The following RORA variants were observed in gnomAD, a reference collection of about 807,000 sequenced individuals.
The protein encoded by RORA is RAR related orphan receptor A, also known as nuclear receptor ROR-alpha.
In RORA, 7 loss-of-function variants were observed where a neutral mutation model predicts 69.5. The ratio of observed to expected loss-of-function variants is 0.10; its 90% CI spans 0.06 to 0.19. The LOEUF is 0.19. Among genes scored for constraint, RORA ranks in the 10% least tolerant of loss-of-function variants. The probability of loss-of-function intolerance (pLI) is 1.00; values close to 1 mark genes in which losing one functional copy is unlikely to be tolerated. For synonymous variants in RORA, 261 were observed against 240.8 expected (o/e 1.08, Z -0.78); for missense variants, 457 against 663.0 (o/e 0.69, Z 3.41).
chr15:60,981,867 G>A (rs28792819), intron 1 of RORA, among the ~76,000 whole-genome samples: 7,703 of 149,876 alleles, frequency 0.051, 651 homozygotes, highest in African/African-American at 0.18. Context: ...TGCCACTGAT[G>A]TTTCTTTGCA....
chr15:61,103,951 G>T (rs2078916535), intron 1 of RORA, among the ~76,000 whole-genome samples: 1 of 152,202 alleles, frequency 6.6e-6, no homozygotes, highest in Non-Finnish European at 1.5e-5. Flanking sequence ...CTCCCCTGAT[G>T]TTCACACTTG....
In RORA at chr15:60,611,559, C is replaced by CAAAAAAAAAAAAAAAAAAAAAAAAA. The variant is rs533598270; in HGVS notation, c.196+67073_196+67097dup. The stretch of plus-strand genomic sequence containing the variant: ...TTACCTCAAACAATCTTGAGTTTTG[C>CAAAAAAAAAAAAAAAAAAAAAAAAA]AAAAAAAAAAAAAAAAAAAAAAAAA... On this transcript the variant is annotated intron_variant, in intron 2 of 10. Transcript: ENST00000335670. 6.1e-4 allele frequency among the ~76,000 whole-genome samples: 22 copies of CAAAAAAAAAAAAAAAAAAAAAAAAA among 35,818 alleles called. 9 individuals are homozygous for CAAAAAAAAAAAAAAAAAAAAAAAAA. Among genetic ancestry groups the CAAAAAAAAAAAAAAAAAAAAAAAAA allele is most frequent in the African/African-American group, 6.8e-4 (6 of 8,780 alleles). 23.5% of individuals were successfully genotyped at this position (35,818 alleles called of 152,430 possible). A position where few individuals can be genotyped will look rare whatever the true frequency, so the allele number is the denominator to read the frequency against.
At chr15:61,153,777 CTAAGAA>C (rs767146277) in intron 1 of RORA, among the ~76,000 whole-genome samples, 81,419 of 152,074 alleles carry the variant, frequency 0.54, 22,405 homozygotes, top group Non-Finnish European at 0.59. Context: ...TGCACAATTG[CTAAGAA>C]CCCTTCAATT....
intron 1 of RORA, among the ~76,000 whole-genome samples, chr15:60,707,112 C>T (rs2071073679): frequency 6.6e-6 from 1 of 152,068 alleles, no homozygotes; most frequent in South Asian, 2.1e-4. Context: ...ATCCGATGGC[C>T]CTCAATTGGC....
At chr15:61,167,067 C>A (rs955289652) in intron 1 of RORA, among the ~76,000 whole-genome samples, 1 of 152,142 alleles carries the variant, frequency 6.6e-6, no homozygotes, top group Non-Finnish European at 1.5e-5. Flanking sequence ...ATCACAGAAT[C>A]GGCTGCACCC....
At position 60,796,787 on chromosome 15, in the gene RORA, T is replaced by G. The variant is rs551091169; in HGVS notation, c.167-118101A>C. ...GGAAAAAGGTAGAAACAACCTCAAT[T>G]TCTCATCAACTGATGAGTCGATAGA... On this transcript the variant is annotated intron_variant, in intron 1 of 10. Transcript: ENST00000335670. 2.0e-5 allele frequency among the ~76,000 whole-genome samples: 3 copies of G among 152,108 alleles called. No homozygotes were observed. The East Asian group carries it at 5.8e-4, about 29-fold the overall frequency.
intron 1 of RORA, among the ~76,000 whole-genome samples, chr15:61,148,242 G>C (rs1403882739): frequency 6.6e-6 from 1 of 152,172 alleles, no homozygotes; most frequent in East Asian, 1.9e-4. Flanking sequence ...AGGGAAACAG[G>C]AAGTGGGCAG....
At chr15:60,503,153 T>A (rs927134666) in intron 7 of RORA, among the ~76,000 whole-genome samples, 2 of 152,202 alleles carry the variant, frequency 1.3e-5, no homozygotes, top group Admixed American at 6.5e-5. Context: ...AGTCTCAGAG[T>A]TGCTAGGAAA....
chr15:60,729,710 T>C (rs12591749), intron 1 of RORA, among the ~76,000 whole-genome samples: 67,601 of 152,040 alleles, frequency 0.44, 15,450 homozygotes, highest in Non-Finnish European at 0.52. Context: ...TGCCAACAAA[T>C]GGCATTGAAT....
rs931179949 is a variant in RORA at position 60,962,673 on chromosome 15, C to T, written c.166+266380G>A. Among the ~76,000 whole-genome samples, 11 of 152,316 alleles carry T rather than the reference C, an allele frequency of 7.2e-5. 1 individual carries two copies. In the South Asian group the frequency reaches 8.3e-4, roughly 11 times the overall value. ...AAATGAACACTTGGCAGCCTGAACA[C>T]GTCCACCTGCCCAAACATGAATGTT... On this transcript the variant is annotated intron_variant, in intron 1 of 10. Coordinates refer to ENST00000335670, the MANE Select transcript of RORA (RefSeq NM_134261.3).
intron 2 of RORA, among the ~76,000 whole-genome samples, chr15:60,653,889 C>G (rs1355033628): frequency 6.6e-6 from 1 of 151,994 alleles, no homozygotes; most frequent in Non-Finnish European, 1.5e-5. Context: ...TTTCAGATAC[C>G]CTAGGGTATC....
chr15:60,948,418 T>C (rs1487413353), intron 1 of RORA, among the ~76,000 whole-genome samples: 1 of 152,222 alleles, frequency 6.6e-6, no homozygotes, highest in Non-Finnish European at 1.5e-5. Flanking sequence ...AAGTCACTTC[T>C]GGAAGGCAAA....
chr15:60,605,124 A>G (rs997982780), intron 2 of RORA, among the ~76,000 whole-genome samples: 4 of 152,152 alleles, frequency 2.6e-5, no homozygotes, highest in African/African-American at 2.4e-5. Context: ...ATCTTTTGTT[A>G]TTCTGTCAAC....
intron 1 of RORA, among the ~76,000 whole-genome samples, chr15:61,026,506 A>T (rs761039383): frequency 2.0e-5 from 3 of 152,178 alleles, no homozygotes; most frequent in Non-Finnish European, 4.4e-5. Flanking sequence ...AAAATCAAGT[A>T]TACTTCTTTC....
At chr15:61,125,657 A>C (rs1024974958) in intron 1 of RORA, among the ~76,000 whole-genome samples, 17 of 152,342 alleles carry the variant, frequency 1.1e-4, no homozygotes, top group African/African-American at 4.1e-4. Context: ...CTTTTTAAAA[A>C]TTGACAATGC....
intron 1 of RORA, among the ~76,000 whole-genome samples, chr15:61,087,315 C>A (rs2078639790): frequency 6.6e-6 from 1 of 152,186 alleles, no homozygotes; most frequent in Non-Finnish European, 1.5e-5. Context: ...ATACTCCAAC[C>A]AATTACCAGA....
Position 60,581,419 on chromosome 15 carries a change from A to C in RORA, c.197-49568T>G, listed in dbSNP as rs2068191239. On this transcript the variant is annotated intron_variant, in intron 2 of 10. Transcript: ENST00000335670. ...TATCAAACCAATTGTTTTGTTAAAC[A>C]ATATCATTTTCAAAAGTTGCTTGAT... Among the ~76,000 whole-genome samples, 3 of 152,238 alleles carry C rather than the reference A, an allele frequency of 2.0e-5. No homozygotes were observed. In the South Asian group the frequency reaches 6.2e-4, roughly 31 times the overall value.
chr15:60,488,750 C>T lies in RORA; in HGVS notation c.*8705G>A, dbSNP rs1454284860. On this transcript the variant is annotated 3_prime_UTR_variant, in exon 11 of 11. Transcript: ENST00000335670. ...AACAGACAGCATATATTTATAGGTA[C>T]AGTATTACTGTTTCCAAACTTGCAT... 2.6e-5 allele frequency: 4 copies of T among 152,148 alleles called. No homozygotes were observed. The highest frequency in any genetic ancestry group is 5.9e-5 in the Non-Finnish European group (4 of 68,022). The allele number at this position is 152,148 out of a possible 1,614,324, so 9.4% of individuals were successfully genotyped here.
chr15:61,151,864 T>A (rs575853821), intron 1 of RORA, among the ~76,000 whole-genome samples: 1 of 152,308 alleles, frequency 6.6e-6, no homozygotes, highest in East Asian at 1.9e-4. Flanking sequence ...ACCTAAATTC[T>A]GGATTCTGCC....
Sources: allele counts gnomAD v4.1 joint callset (sites outside exome capture counted in the v4.1 genomes callset), GRCh38; gene constraint gnomAD v4.1.1; transcripts MANE v1.5; gene names NCBI Gene and HGNC (gene_info 2026-07-23, HGNC 2026-07-21).